Variants in IKZF1 observed in about 807,000 individuals in gnomAD.
IKZF1 encodes the protein DNA-binding protein Ikaros.
IKZF1 carries 10 observed loss-of-function variants against 51.7 expected under a neutral mutation model. The observed-to-expected ratio is 0.19, with a 90% CI of 0.12 to 0.33. IKZF1 has a LOEUF of 0.33. Ranked by LOEUF, IKZF1 falls within the 10% of genes least tolerant of loss-of-function variation. The pLI is 1.00. For synonymous variants in IKZF1, 280 were observed against 282.3 expected (o/e 0.99, Z 0.08); for missense variants, 484 against 707.5 (o/e 0.68, Z 3.58).
At chr7:50,392,549 A>C (rs1024602182) in intron 7 of IKZF1, among the ~76,000 whole-genome samples, 1 of 152,170 alleles carries the variant, frequency 6.6e-6, no homozygotes, top group Non-Finnish European at 1.5e-5. Flanking sequence ...GCTCAGAGTC[A>C]ATACAGAGCC....
intron 4 of IKZF1, among the ~76,000 whole-genome samples, chr7:50,379,964 A>G (rs1297387171): frequency 1.3e-5 from 2 of 152,180 alleles, no homozygotes; most frequent in Non-Finnish European, 2.9e-5. Flanking sequence ...CATGACATCA[A>G]TGTCCTCATC....
rs558636969 is a variant in IKZF1 at position 50,356,485 on chromosome 7, T to C, written c.161-20048T>C. Among the ~76,000 whole-genome samples the C allele has an allele frequency of 3.9e-5, 6 of 152,290 alleles. No individual in the cohort carries two copies. The South Asian group carries it at 8.3e-4, about 21-fold the overall frequency. On this transcript the variant is annotated intron_variant, in intron 3 of 7. Coordinates refer to ENST00000331340, the MANE Select transcript of IKZF1 (RefSeq NM_006060.6). ...GAATTTGTGAGAGTGTGTGAGTGTG[T>C]CTTTGTGCCTGTGTTTCTGTGTGTG...
At chr7:50,316,839 T>G (rs1422933057) in intron 1 of IKZF1, among the ~76,000 whole-genome samples, 1 of 152,224 alleles carries the variant, frequency 6.6e-6, no homozygotes, top group Non-Finnish European at 1.5e-5. Flanking sequence ...GAGCCTTGAC[T>G]TTGCCTTAGG....
intron 3 of IKZF1, among the ~76,000 whole-genome samples, chr7:50,345,459 A>C (rs1476644895): frequency 1.3e-5 from 2 of 152,188 alleles, no homozygotes; most frequent in African/African-American, 2.4e-5. Context: ...ACCACACTCT[A>C]GGTTTGGAGC....
At position 50,388,001 on chromosome 7, in the gene IKZF1, G is replaced by T. The variant is rs138768620; in HGVS notation, c.715+531G>T. On this transcript the variant is annotated intron_variant, in intron 6 of 7. Transcript: ENST00000331340. ...AGCCCCTGGTAGTTGATAATATTGAGGTTGTTGAAGGATGAGAGGAAAGGT... is the reference window on the plus strand; with the variant it reads ...AGCCCCTGGTAGTTGATAATATTGATGTTGTTGAAGGATGAGAGGAAAGGT... 3.9e-5 allele frequency among the ~76,000 whole-genome samples: 6 copies of T among 152,104 alleles called. No homozygotes were observed. The East Asian group carries it at 1.2e-3, about 29-fold the overall frequency.
intron 3 of IKZF1, among the ~76,000 whole-genome samples, chr7:50,374,929 A>G (rs1562858878): frequency 6.6e-6 from 1 of 152,000 alleles, no homozygotes; most frequent in Admixed American, 6.6e-5. Context: ...GTTATTTAAG[A>G]CAGTTGTTCT....
chr7:50,399,904 C>G lies in IKZF1; in HGVS notation c.851-14C>G, dbSNP rs1294737383. 12 of 1,603,584 alleles carry G rather than the reference C, an allele frequency of 7.5e-6. No homozygotes were observed. Among genetic ancestry groups the G allele is most frequent in the Admixed American group, 7.0e-5 (4 of 57,258 alleles). On this transcript the variant is annotated splice_polypyrimidine_tract_variant and intron_variant, in intron 7 of 7. Transcript: ENST00000331340. ...GGTGGCCGCGCCCCACTCACTGTCG[C>G]CTGCTTTCCACAGGGGACAAGGGCC... is the stretch of plus-strand genomic sequence containing the variant.
intron 6 of IKZF1, among the ~76,000 whole-genome samples, chr7:50,390,676 T>C (rs920897603): frequency 2.0e-5 from 3 of 152,188 alleles, no homozygotes; most frequent in African/African-American, 7.2e-5. Context: ...GGCTTGTAAA[T>C]TTTACTGGAA....
chr7:50,376,183 A>C lies in IKZF1; in HGVS notation c.161-350A>C, dbSNP rs1810229835. Among the ~76,000 whole-genome samples, 1 of 152,246 alleles carries C rather than the reference A, an allele frequency of 6.6e-6. No homozygotes were observed. Among genetic ancestry groups the C allele is most frequent in the Non-Finnish European group, 1.5e-5 (1 of 68,044 alleles). ...CATCTGATGGGTAGGGTGTAGGAGTAGGCCTCAGACCACTCCTGACGTGAA... is the reference window on the plus strand; with the variant it reads ...CATCTGATGGGTAGGGTGTAGGAGTCGGCCTCAGACCACTCCTGACGTGAA... On this transcript the variant is annotated intron_variant, in intron 3 of 7. Transcript: ENST00000331340. This position sits in a 1 kb window ranked among gnomAD's most constrained non-coding sequence, Gnocchi z 4.5.
At chr7:50,351,240 C>T (rs539839506) in intron 3 of IKZF1, among the ~76,000 whole-genome samples, 2 of 152,144 alleles carry the variant, frequency 1.3e-5, no homozygotes, top group African/African-American at 4.8e-5. Context: ...TAGATTTAAC[C>T]ATTATGTAAA....
chr7:50,316,517 C>T (rs745858050), intron 1 of IKZF1, among the ~76,000 whole-genome samples: 11 of 152,242 alleles, frequency 7.2e-5, no homozygotes, highest in East Asian at 5.8e-4. Context: ...TGACAATAGA[C>T]GCGCTCCAGG....
chr7:50,313,047 A>G (rs181782643), intron 1 of IKZF1, among the ~76,000 whole-genome samples: 1 of 152,316 alleles, frequency 6.6e-6, no homozygotes. Context: ...TGTTTTGTCA[A>G]ATTGTTACGA....
At chr7:50,385,258 T>C (rs1392965216) in intron 5 of IKZF1, among the ~76,000 whole-genome samples, 1 of 152,214 alleles carries the variant, frequency 6.6e-6, no homozygotes, top group African/African-American at 2.4e-5. Flanking sequence ...CAAAATGATT[T>C]CACTGAAGTG....
intron 3 of IKZF1, among the ~76,000 whole-genome samples, chr7:50,351,018 T>A (rs1213974038): frequency 6.6e-6 from 1 of 152,276 alleles, no homozygotes; most frequent in Non-Finnish European, 1.5e-5. Context: ...ACACAGTAAC[T>A]CTTAATTGTT....
Position 50,376,967 on chromosome 7 carries a change from A to T in IKZF1, c.421+174A>T. ...CGAGTCATAGAGTCCTTGTTCTGGT[A>T]CAGCCTTGTAAAGGACTTCTCAACA... On this transcript the variant is annotated intron_variant, in intron 4 of 7. Transcript: ENST00000331340. This position sits in a 1 kb window ranked among gnomAD's most constrained non-coding sequence, Gnocchi z 4.5. The T allele has an allele frequency of 1.7e-6, 2 of 1,148,078 alleles. No homozygotes were observed. 71.1% of individuals were successfully genotyped at this position (1,148,078 alleles called of 1,614,324 possible).
intron 3 of IKZF1, among the ~76,000 whole-genome samples, chr7:50,348,943 T>TG (rs1376835821): frequency 1.3e-5 from 2 of 152,190 alleles, no homozygotes; most frequent in African/African-American, 4.8e-5. Flanking sequence ...GGAAGGTCCC[T>TG]GGCACAGGTC....
intron 3 of IKZF1, among the ~76,000 whole-genome samples, chr7:50,336,729 C>G (rs1797882051): frequency 1.3e-5 from 2 of 152,192 alleles, no homozygotes; most frequent in South Asian, 4.1e-4. Flanking sequence ...CACAGTGATT[C>G]TGCTGAATGC....
At chr7:50,327,601 T>C in intron 2 of IKZF1, 37 bp from the exon 3 acceptor site, 1 of 1,566,520 alleles carries the variant, frequency 6.4e-7, no homozygotes, top group Non-Finnish European at 8.7e-7. Flanking sequence ...ACCTTGACCA[T>C]GACCGCCCGA....
At chr7:50,370,865 A>G (rs890368955) in intron 3 of IKZF1, among the ~76,000 whole-genome samples, 8 of 152,182 alleles carry the variant, frequency 5.3e-5, no homozygotes, top group African/African-American at 1.9e-4. Flanking sequence ...AATATTTATA[A>G]CTATCTTTCC....
Sources: allele counts gnomAD v4.1 joint callset (sites outside exome capture counted in the v4.1 genomes callset), GRCh38; gene constraint gnomAD v4.1.1; non-coding constraint Gnocchi (gnomAD v3.1); transcripts MANE v1.5; gene names NCBI Gene and HGNC (gene_info 2026-07-23, HGNC 2026-07-21).